The following BHMT variants were observed in gnomAD, a reference collection of about 807,000 sequenced individuals.
BHMT encodes betaine--homocysteine S-methyltransferase 1.
A neutral mutation model predicts 49.5 loss-of-function variants in BHMT; 38 were observed. That is an observed-to-expected ratio of 0.77 (90% CI 0.59 to 1.01). The LOEUF (loss-of-function observed/expected upper bound fraction) is 1.01, where lower values mean the gene tolerates loss of function less well. Among genes scored for constraint, BHMT ranks in the 50% least tolerant of loss-of-function variants. The pLI, the probability that BHMT is intolerant of heterozygous loss-of-function variation, is 0.00. For missense variants in BHMT, 426 were observed against 495.7 expected, an observed-to-expected ratio of 0.86 and a Z score of 1.34; for synonymous variants, 166 against 176.3, an observed-to-expected ratio of 0.94 and a Z score of 0.46.
intron 5 of BHMT, among the ~76,000 whole-genome samples, chr5:79,123,270 T>C (rs1342406835): frequency 6.6e-6 from 1 of 151,720 alleles, no homozygotes; most frequent in Non-Finnish European, 1.5e-5. Context: ...TGAAGGGGAG[T>C]GAGGCCTACT....
intron 1 of BHMT, among the ~76,000 whole-genome samples, chr5:79,115,418 G>C (rs1756371879): frequency 6.6e-6 from 1 of 151,686 alleles, no homozygotes; most frequent in Non-Finnish European, 1.5e-5. Context: ...TTAAGAATCT[G>C]TGCTTAAGTG....
Position 79,121,203 on chromosome 5 carries a change from C to T in BHMT, c.478-15C>T. 3 of 1,613,082 alleles carry T rather than the reference C, an allele frequency of 1.9e-6. No homozygotes were observed. Among genetic ancestry groups the T allele is most frequent in the Non-Finnish European group, 2.5e-6 (3 of 1,179,450 alleles). ...GAAACGAGATTAAAAGTACTCTAAC[C>T]TTAACTGATTCCAGTATTTTGAACA... On this transcript the variant is annotated splice_polypyrimidine_tract_variant and intron_variant, in intron 4 of 7. Transcript: ENST00000274353.
chr5:79,127,822 G>A lies in BHMT; in HGVS notation c.876G>A (p.Gly292=), dbSNP rs756481244. The A allele has an allele frequency of 1.2e-6, 2 of 1,614,154 alleles. No individual in the cohort carries two copies. Among genetic ancestry groups the A allele is most frequent in the Admixed American group, 3.3e-5 (2 of 60,014 alleles). Residue 292 remains glycine (G), a synonymous_variant, in exon 7 of 8, where the codon GGG becomes GGA. Transcript: ENST00000274353. ...QKYAREAYNL[G]VRYIGGCCGF... is the part of the protein sequence containing the mutation. ...ACGCCAGAGAGGCCTACAACCTGGGGGTCAGGTACATTGGCGGGTGCTGTG... is the reference window on the plus strand; with the variant it reads ...ACGCCAGAGAGGCCTACAACCTGGGAGTCAGGTACATTGGCGGGTGCTGTG...
chr5:79,118,415 C>A (rs1482901572), intron 2 of BHMT, among the ~76,000 whole-genome samples: 1 of 152,086 alleles, frequency 6.6e-6, no homozygotes, highest in Non-Finnish European at 1.5e-5. Flanking sequence ...TGCAGTGAGC[C>A]AAGATCACGC....
intron 5 of BHMT, among the ~76,000 whole-genome samples, chr5:79,121,707 C>T (rs181997481): frequency 2.7e-4 from 40 of 149,560 alleles, no homozygotes; most frequent in African/African-American, 5.4e-4. Context: ...CCCAGCTACT[C>T]GGGAGGCTGA....
At chr5:79,122,371 G>T (rs1561254322) in intron 5 of BHMT, among the ~76,000 whole-genome samples, 2 of 152,030 alleles carry the variant, frequency 1.3e-5, no homozygotes, top group Non-Finnish European at 2.9e-5. Flanking sequence ...TTATTTTCAT[G>T]GACCAAACCT....
At chr5:79,124,619 G>A (rs1337153983) in intron 5 of BHMT, among the ~76,000 whole-genome samples, 2 of 152,066 alleles carry the variant, frequency 1.3e-5, no homozygotes, top group Non-Finnish European at 2.9e-5. Context: ...AATCATCTGT[G>A]GTCCAAATAT....
chr5:79,129,213 C>T (rs1756599366), intron 7 of BHMT, among the ~76,000 whole-genome samples: 1 of 152,068 alleles, frequency 6.6e-6, no homozygotes, highest in African/African-American at 2.4e-5. Flanking sequence ...GCAGGCAGAA[C>T]GATAAGCAGG....
chr5:79,121,501 T>C, intron 5 of BHMT, 136 bp downstream of exon 5: 1 of 1,271,632 alleles, frequency 7.9e-7, no homozygotes, highest in Non-Finnish European at 1.1e-6. Flanking sequence ...AATATTGATA[T>C]TATTGAATCC....
At chr5:79,128,645 T>C (rs568406616) in intron 7 of BHMT, among the ~76,000 whole-genome samples, 2 of 152,272 alleles carry the variant, frequency 1.3e-5, no homozygotes, top group Admixed American at 1.3e-4. Flanking sequence ...TAAATTGCAT[T>C]GATTTTTAAG....
Position 79,115,633 on chromosome 5 carries a change from T to A in BHMT, c.34-134T>A, listed in dbSNP as rs923596461. 8 of 1,031,598 alleles carry A rather than the reference T, an allele frequency of 7.8e-6. No homozygotes were observed. The African/African-American group carries it at 1.1e-4, about 15-fold the overall frequency. 63.9% of individuals were successfully genotyped at this position (1,031,598 alleles called of 1,614,324 possible). A position where few individuals can be genotyped will look rare whatever the true frequency, so the allele number is the denominator to read the frequency against. On this transcript the variant is annotated intron_variant, in intron 1 of 7. Coordinates refer to ENST00000274353, the MANE Select transcript of BHMT (RefSeq NM_001713.3). ...TTATAGATAGCCATAAATGTATATA[T>A]AAAATATACATTTTTCTCTGAAAAT...
intron 5 of BHMT, among the ~76,000 whole-genome samples, chr5:79,125,721 C>T (rs1430025132): frequency 6.6e-6 from 1 of 151,824 alleles, no homozygotes; most frequent in Non-Finnish European, 1.5e-5. Context: ...CACTTGAGCT[C>T]AGGAGTTCGA....
At chr5:79,119,557 A>G (rs955735254) in intron 3 of BHMT, 180 bp downstream of exon 3, 23 of 479,402 alleles carry the variant, frequency 4.8e-5, no homozygotes, top group Middle Eastern at 1.1e-3. Flanking sequence ...CAAAATTAAC[A>G]AAGAGGCATT....
intron 7 of BHMT, among the ~76,000 whole-genome samples, chr5:79,130,194 C>T (rs1756615601): frequency 6.6e-6 from 1 of 151,794 alleles, no homozygotes; most frequent in African/African-American, 2.4e-5. Context: ...TTCAAAGTAA[C>T]TTTAGACTTA....
intron 7 of BHMT, among the ~76,000 whole-genome samples, chr5:79,129,276 AG>A (rs1756600209): frequency 6.6e-6 from 1 of 152,242 alleles, no homozygotes; most frequent in South Asian, 2.1e-4. Flanking sequence ...ATAGGTGTGC[AG>A]GGTCTGAGCT....
chr5:79,121,148 C>T, intron 4 of BHMT, 70 bp from the exon 5 acceptor site: 2 of 1,482,998 alleles, frequency 1.3e-6, no homozygotes, highest in Non-Finnish European at 9.2e-7. Context: ...AAAACTCCGT[C>T]TCAAAAAAAA....
intron 5 of BHMT, among the ~76,000 whole-genome samples, chr5:79,125,560 C>A (rs987349953): frequency 2.6e-5 from 4 of 151,954 alleles, no homozygotes; most frequent in South Asian, 2.1e-4. Flanking sequence ...GCACTTCCTG[C>A]CTGCTAGTAA....
rs757296833 is a variant in BHMT at position 79,131,018 on chromosome 5, G to A, written c.1123G>A (p.Val375Met). The A allele has an allele frequency of 7.4e-6, 12 of 1,614,002 alleles. No individual in the cohort carries two copies. The highest frequency in any genetic ancestry group is 1.7e-5 in the Admixed American group (1 of 60,010). Residue 375 changes from valine (V) to methionine (M), a missense_variant, in exon 8 of 8, where the codon GTG becomes ATG. Physicochemically the swap from Val to Met is conservative, Grantham distance 21. This residue lies in a region of BHMT where 73 missense variants were observed against 68.3 expected (regional missense o/e 1.07). Coordinates refer to ENST00000274353, the MANE Select transcript of BHMT (RefSeq NM_001713.3). ...PSMSKPDGWG[V>M]TKGTAELMQQ... ...AATGTCAAAGCCAGATGGCTGGGGAGTGACCAAAGGAACAGCCGAGCTGAT... is the reference window on the plus strand; with the variant it reads ...AATGTCAAAGCCAGATGGCTGGGGAATGACCAAAGGAACAGCCGAGCTGAT...
Position 79,127,873 on chromosome 5 carries a change from A to C in BHMT, c.927A>C (p.Ala309=). The change falls in exon 7 of 8, where the codon GCA becomes GCC. Residue 309 remains alanine, a synonymous_variant. Transcript: ENST00000274353. ...CCGFEPYHIR[A]IAEELAPERG... The stretch of plus-strand genomic sequence containing the variant: ...GATTTGAGCCCTACCACATCAGGGC[A>C]ATTGCAGAGGAGCTGGCCCCAGAAA... 1 of 1,614,128 alleles carries C rather than the reference A, an allele frequency of 6.2e-7. No individual in the cohort carries two copies. The highest frequency in any genetic ancestry group is 1.1e-5 in the South Asian group (1 of 91,064).
Sources: gnomAD v4.1 joint callset for allele counts (sites outside exome capture counted in the v4.1 genomes callset) on GRCh38, gnomAD v4.1.1 for gene constraint, gnomAD v4.1.1 regional missense constraint, MANE v1.5 for transcripts, NCBI Gene and HGNC (gene_info 2026-07-23, HGNC 2026-07-21) for gene names.